ENAH: variants seen among roughly 807,000 people sequenced by gnomAD.
The protein encoded by ENAH is ENAH actin regulator.
Under a neutral mutation model 78.7 loss-of-function variants are expected in ENAH, and 23 were observed. That is an observed-to-expected ratio of 0.29 (90% CI 0.21 to 0.41). The LOEUF (loss-of-function observed/expected upper bound fraction) is 0.41, where lower values mean the gene tolerates loss of function less well. ENAH is among the 10% of genes least tolerant of loss of function. The pLI, the probability that ENAH is intolerant of heterozygous loss-of-function variation, is 1.00. For missense variants in ENAH, 544 were observed against 691.0 expected, an observed-to-expected ratio of 0.79 and a Z score of 2.39; for synonymous variants, 226 against 241.0, an observed-to-expected ratio of 0.94 and a Z score of 0.58.
intron 2 of ENAH, among the ~76,000 whole-genome samples, chr1:225,557,863 T>A (rs2096674994): frequency 6.6e-6 from 1 of 152,142 alleles, no homozygotes; most frequent in Non-Finnish European, 1.5e-5. Context: ...ACTTTTCATG[T>A]AATAATTTTA....
rs144877325 is a variant in ENAH at position 225,555,986 on chromosome 1, A to T, written c.172-903T>A. ...AAATGGAGTTATACAACATGTATTA[A>T]ACGTATCTGCTCTCTTATCCTCAAA... On this transcript the variant is annotated intron_variant, in intron 2 of 13. Coordinates refer to ENST00000366843, the MANE Select transcript of ENAH (RefSeq NM_018212.6). 1.4e-3 allele frequency among the ~76,000 whole-genome samples: 214 copies of T among 152,290 alleles called. 1 individual carries two copies. Among genetic ancestry groups the T allele is most frequent in the African/African-American group, 4.9e-3 (203 of 41,564 alleles).
At chr1:225,551,610 C>A (rs2096640982) in intron 3 of ENAH, among the ~76,000 whole-genome samples, 1 of 152,048 alleles carries the variant, frequency 6.6e-6, no homozygotes. Flanking sequence ...CATTTATACA[C>A]TGAACTACCA....
intron 1 of ENAH, among the ~76,000 whole-genome samples, chr1:225,573,752 C>A (rs1049781091): frequency 1.3e-5 from 2 of 152,090 alleles, no homozygotes; most frequent in Admixed American, 6.5e-5. Context: ...TATGGATGCA[C>A]CTAGCATTTT....
intron 1 of ENAH, among the ~76,000 whole-genome samples, chr1:225,641,624 T>A (rs1424407330): frequency 6.6e-6 from 1 of 152,076 alleles, no homozygotes; most frequent in Non-Finnish European, 1.5e-5. Context: ...TGGTGGCTCA[T>A]GTTTGTAATC....
intron 6 of ENAH, 92 bp downstream of exon 6, chr1:225,517,104 A>T: frequency 8.9e-7 from 1 of 1,119,252 alleles, no homozygotes; most frequent in Non-Finnish European, 1.2e-6. Flanking sequence ...CAAGGATCAA[A>T]ACCATCCTAC....
chr1:225,640,022 T>C (rs184941772), intron 1 of ENAH, among the ~76,000 whole-genome samples: 1 of 152,236 alleles, frequency 6.6e-6, no homozygotes, highest in Non-Finnish European at 1.5e-5. Flanking sequence ...AGATTGTAAA[T>C]TAATAACTGG....
chr1:225,576,860 C>T (rs1231975765), intron 1 of ENAH, among the ~76,000 whole-genome samples: 1 of 152,208 alleles, frequency 6.6e-6, no homozygotes, highest in Non-Finnish European at 1.5e-5. Flanking sequence ...CTGGGCCAGG[C>T]ACAGTGGCTC....
intron 1 of ENAH, among the ~76,000 whole-genome samples, chr1:225,637,097 G>A (rs1660198659): frequency 6.6e-6 from 1 of 152,160 alleles, no homozygotes. Context: ...GTATTGAAAG[G>A]CACTGCTGAA....
intron 10 of ENAH, among the ~76,000 whole-genome samples, chr1:225,509,230 G>A (rs979788622): frequency 6.6e-6 from 1 of 152,082 alleles, no homozygotes; most frequent in Non-Finnish European, 1.5e-5. Context: ...AGCCCAAGCA[G>A]GTGAAAAAAG....
intron 3 of ENAH, among the ~76,000 whole-genome samples, chr1:225,541,511 T>A (rs1474018485): frequency 6.6e-6 from 1 of 152,108 alleles, no homozygotes; most frequent in African/African-American, 2.4e-5. Flanking sequence ...CTAAAACCAC[T>A]GAATTGTACC....
In ENAH at chr1:225,652,819, G is replaced by C; in HGVS notation, c.-129C>G. On this transcript the variant is annotated 5_prime_UTR_variant, in exon 1 of 14. Transcript: ENST00000366843. ...GAGACAAGTGTCCGGCTCCTCCTTC[G>C]GCGGCCAGGGGGCTACACCATCTCC... 1 of 699,626 alleles carries C rather than the reference G, an allele frequency of 1.4e-6. No individual in the cohort carries two copies. Among genetic ancestry groups the C allele is most frequent in the Non-Finnish European group, 2.0e-6 (1 of 494,138 alleles). 43.3% of individuals were successfully genotyped at this position (699,626 alleles called of 1,614,324 possible).
chr1:225,556,383 T>C (rs2096666845), intron 2 of ENAH, among the ~76,000 whole-genome samples: 1 of 152,228 alleles, frequency 6.6e-6, no homozygotes, highest in South Asian at 2.1e-4. Context: ...ACTGGTACTG[T>C]CAGTCTTTAT....
intron 1 of ENAH, among the ~76,000 whole-genome samples, chr1:225,596,921 T>C (rs1415907708): frequency 3.3e-5 from 5 of 152,186 alleles, no homozygotes; most frequent in Non-Finnish European, 5.9e-5. Context: ...ATCTGACCAG[T>C]GGGATAAAAA....
chr1:225,580,670 C>T (rs2096811683), intron 1 of ENAH, among the ~76,000 whole-genome samples: 1 of 152,096 alleles, frequency 6.6e-6, no homozygotes, highest in Admixed American at 6.5e-5. Context: ...GTAATCCCAG[C>T]ACTTTGGGAG....
At chr1:225,583,435 A>C (rs1160620119) in intron 1 of ENAH, among the ~76,000 whole-genome samples, 1 of 21,874 alleles carries the variant, frequency 4.6e-5, no homozygotes, top group Non-Finnish European at 1.3e-4. Context: ...CCCTGTATCA[A>C]AAAAAAAAAA....
intron 1 of ENAH, among the ~76,000 whole-genome samples, chr1:225,597,793 A>T (rs185108290): frequency 6.6e-6 from 1 of 152,326 alleles, no homozygotes; most frequent in Non-Finnish European, 1.5e-5. Flanking sequence ...ACAAAATATT[A>T]ATAGATGATG....
At chr1:225,498,555 G>C (rs1209925955) in intron 12 of ENAH, 151 bp from the exon 13 acceptor site, 1 of 575,308 alleles carries the variant, frequency 1.7e-6, no homozygotes, top group African/African-American at 2.0e-5. Flanking sequence ...GACTAGCCTT[G>C]GTGAATTTTG....
rs139910777 is a variant in ENAH at position 225,526,181 on chromosome 1, C to G, written c.434+4373G>C. ...CGTTTTTGTTCTCCTTCCCACTCCC[C>G]CAGAACTTCTATTATTTGGATGCTG... On this transcript the variant is annotated intron_variant, in intron 4 of 13. Transcript: ENST00000366843. 9.2e-5 allele frequency among the ~76,000 whole-genome samples: 14 copies of G among 152,268 alleles called. No individual in the cohort carries two copies. The East Asian group carries it at 2.5e-3, about 27-fold the overall frequency.
intron 1 of ENAH, among the ~76,000 whole-genome samples, chr1:225,633,907 G>C (rs1424007833): frequency 2.0e-5 from 3 of 152,142 alleles, no homozygotes; most frequent in Admixed American, 2.0e-4. Context: ...CAGCTATGAG[G>C]CCTCTGGATC....
Sources: allele counts gnomAD v4.1 joint callset (sites outside exome capture counted in the v4.1 genomes callset), GRCh38; gene constraint gnomAD v4.1.1; transcripts MANE v1.5; gene names NCBI Gene and HGNC (gene_info 2026-07-23, HGNC 2026-07-21).